The following PARD3B variants were observed in gnomAD, a reference collection of about 807,000 sequenced individuals.
PARD3B encodes partitioning defective 3 homolog B.
A neutral mutation model predicts 130.2 loss-of-function variants in PARD3B; 103 were observed. The ratio of observed to expected loss-of-function variants is 0.79; its 90% CI spans 0.67 to 0.93. The LOEUF (loss-of-function observed/expected upper bound fraction) is 0.93, where lower values mean the gene tolerates loss of function less well. PARD3B is among the 40% of genes least tolerant of loss of function. The probability of loss-of-function intolerance (pLI) is 0.00; values close to 1 mark genes in which losing one functional copy is unlikely to be tolerated. For missense variants in PARD3B, 1,609 were observed against 1,499.2 expected (o/e 1.07, Z -1.21); for synonymous variants, 583 against 553.2 (o/e 1.05, Z -0.76).
At chr2:204,770,452 TGTG>T (rs1424559148) in intron 2 of PARD3B, among the ~76,000 whole-genome samples, 1 of 150,390 alleles carries the variant, frequency 6.6e-6, no homozygotes, top group African/African-American at 2.5e-5. Flanking sequence ...ATAGGTGTGG[TGTG>T]GTGCTGAAAA....
rs537014942 is a variant in PARD3B at position 205,569,511 on chromosome 2, G to T, written c.3260+16108G>T. On this transcript the variant is annotated intron_variant, in intron 22 of 22. Coordinates refer to ENST00000406610, the MANE Select transcript of PARD3B (RefSeq NM_001302769.2). Reference sequence around the variant, plus strand: ...TTGAACATCCATGTCATTTTAAGTAGTAATGTGATTTTGTAATATAGTTTC... The same window carrying T: ...TTGAACATCCATGTCATTTTAAGTATTAATGTGATTTTGTAATATAGTTTC... Among the ~76,000 whole-genome samples, 4 of 152,228 alleles carry T rather than the reference G, an allele frequency of 2.6e-5. No individual in the cohort carries two copies. In the East Asian group the frequency reaches 7.7e-4, roughly 29 times the overall value.
Position 205,532,631 on chromosome 2 carries a change from ACT to A in PARD3B, c.3181-20689_3181-20688del, listed in dbSNP as rs531690565. 1.4e-3 allele frequency among the ~76,000 whole-genome samples: 210 copies of A among 152,238 alleles called. 1 individual carries two copies. Among genetic ancestry groups the A allele is most frequent in the Non-Finnish European group, 2.6e-3 (175 of 68,014 alleles). On this transcript the variant is annotated intron_variant, in intron 21 of 22. Coordinates refer to ENST00000406610, the MANE Select transcript of PARD3B (RefSeq NM_001302769.2). Reference sequence around the variant, plus strand: ...GAAACTATTTTGAAATTTGGTTGCCACTCTCATTCCACAAAGCTACATATTAA... The same window carrying A: ...GAAACTATTTTGAAATTTGGTTGCCACTCATTCCACAAAGCTACATATTAA...
chr2:204,983,833 A>G (rs1212200159), intron 3 of PARD3B, among the ~76,000 whole-genome samples: 1 of 152,200 alleles, frequency 6.6e-6, no homozygotes, highest in Non-Finnish European at 1.5e-5. Context: ...TTCACAGCTT[A>G]CTATTATTTG....
At chr2:204,992,518 T>C (rs1267836843) in intron 3 of PARD3B, among the ~76,000 whole-genome samples, 1 of 148,198 alleles carries the variant, frequency 6.7e-6, no homozygotes, top group Non-Finnish European at 1.5e-5. Context: ...GTGTGATGCC[T>C]CCAGCTTTGT....
At chr2:205,071,058 T>C (rs894429076) in intron 4 of PARD3B, among the ~76,000 whole-genome samples, 3 of 152,180 alleles carry the variant, frequency 2.0e-5, no homozygotes, top group South Asian at 2.1e-4. Flanking sequence ...TAAATTTGTT[T>C]CTTGGAAGTG....
At chr2:205,107,375 C>T (rs144326506) in intron 5 of PARD3B, among the ~76,000 whole-genome samples, 54 of 152,256 alleles carry the variant, frequency 3.5e-4, no homozygotes, top group East Asian at 1.7e-3. Flanking sequence ...AATTACATTA[C>T]TTCTTTAATA....
At chr2:204,655,146 G>T (rs563001320) in intron 1 of PARD3B, among the ~76,000 whole-genome samples, 1 of 152,156 alleles carries the variant, frequency 6.6e-6, no homozygotes, top group Non-Finnish European at 1.5e-5. Flanking sequence ...ATCTCTTCCT[G>T]TTGATTCTCC....
chr2:204,776,848 A>G (rs530401286), intron 2 of PARD3B, among the ~76,000 whole-genome samples: 1 of 151,922 alleles, frequency 6.6e-6, no homozygotes, highest in African/African-American at 2.4e-5. Context: ...GTTATGTTAA[A>G]TATGCCTGGG....
intron 18 of PARD3B, among the ~76,000 whole-genome samples, chr2:205,333,595 T>C (rs3845806): frequency 0.56 from 85,216 of 152,012 alleles, 27,654 homozygotes; most frequent in South Asian, 0.75. Flanking sequence ...ATTCCTCTTT[T>C]GTTTGTTTAT....
intron 19 of PARD3B, among the ~76,000 whole-genome samples, chr2:205,417,616 G>A (rs1048481465): frequency 7.9e-5 from 12 of 152,210 alleles, no homozygotes; most frequent in African/African-American, 2.9e-4. Flanking sequence ...GAGCAGACTT[G>A]TCATCTCCAT....
chr2:205,140,407 T>G lies in PARD3B; in HGVS notation c.1434+14670T>G, dbSNP rs1044956591. On this transcript the variant is annotated intron_variant, in intron 10 of 22. Transcript: ENST00000406610. ...AAAGTGTGGTCCCAGGGGAGACAGATGATTGAGCGTGGTATTGAGTAGACA... is the reference window on the plus strand; with the variant it reads ...AAAGTGTGGTCCCAGGGGAGACAGAGGATTGAGCGTGGTATTGAGTAGACA... Among the ~76,000 whole-genome samples, 15 of 141,996 alleles carry G rather than the reference T, an allele frequency of 1.1e-4. No individual in the cohort carries two copies. In the South Asian group the frequency reaches 3.3e-3, roughly 32 times the overall value. 93.2% of individuals were successfully genotyped at this position (141,996 alleles called of 152,430 possible). A position where few individuals can be genotyped will look rare whatever the true frequency, so the allele number is the denominator to read the frequency against.
At chr2:204,988,223 G>A (rs568913282) in intron 3 of PARD3B, among the ~76,000 whole-genome samples, 1 of 152,252 alleles carries the variant, frequency 6.6e-6, no homozygotes, top group African/African-American at 2.4e-5. Flanking sequence ...TGACATTTTG[G>A]AAATATTGAA....
At position 205,126,615 on chromosome 2, in the gene PARD3B, G is replaced by A. The variant is rs1265392525; in HGVS notation, c.1434+878G>A. ...AAAAAAATTAGCCGGGCGCGGTGGC[G>A]GGCACCTGTAGTCCCAGCTACTCGG... On this transcript the variant is annotated intron_variant, in intron 10 of 22. Coordinates refer to ENST00000406610, the MANE Select transcript of PARD3B (RefSeq NM_001302769.2). Among the ~76,000 whole-genome samples, 17 of 151,116 alleles carry A rather than the reference G, an allele frequency of 1.1e-4. No individual in the cohort carries two copies. In the East Asian group the frequency reaches 2.0e-3, roughly 17 times the overall value.
At chr2:204,726,650 T>A (rs1410597912) in intron 2 of PARD3B, among the ~76,000 whole-genome samples, 1 of 152,170 alleles carries the variant, frequency 6.6e-6, no homozygotes, top group African/African-American at 2.4e-5. Context: ...TTCCTTACCT[T>A]ATTGTATACA....
At chr2:204,806,055 T>G (rs2042757747) in intron 2 of PARD3B, among the ~76,000 whole-genome samples, 1 of 152,100 alleles carries the variant, frequency 6.6e-6, no homozygotes, top group South Asian at 2.1e-4. Flanking sequence ...AAAATGTACG[T>G]TCTGCCCAAA....
At chr2:204,914,526 C>T (rs2047369667) in intron 2 of PARD3B, among the ~76,000 whole-genome samples, 1 of 152,072 alleles carries the variant, frequency 6.6e-6, no homozygotes. Flanking sequence ...GGATGTGTGA[C>T]TGGAAGGGCA....
chr2:205,278,535 G>C (rs944512868), intron 16 of PARD3B, among the ~76,000 whole-genome samples: 7 of 152,126 alleles, frequency 4.6e-5, no homozygotes, highest in African/African-American at 1.7e-4. Context: ...GAAATGGGAG[G>C]CTTCTGTTTT....
chr2:205,232,543 TAAAGA>T (rs368242694), intron 15 of PARD3B, among the ~76,000 whole-genome samples: 6 of 152,186 alleles, frequency 3.9e-5, no homozygotes, highest in African/African-American at 1.4e-4. Context: ...AATATGCATG[TAAAGA>T]AATAAGACAT....
intron 18 of PARD3B, among the ~76,000 whole-genome samples, chr2:205,380,523 A>ATATATTATATATAATATATACAG (rs2045321287): frequency 4.8e-4 from 1 of 2,074 alleles, no homozygotes; most frequent in African/African-American, 3.1e-3. Context: ...TATATAAAGA[A>ATATATTATATATAATATATACAG]TATATATTAT....
Sources: gnomAD v4.1 joint callset for allele counts (sites outside exome capture counted in the v4.1 genomes callset) on GRCh38, gnomAD v4.1.1 for gene constraint, MANE v1.5 for transcripts, NCBI Gene and HGNC (gene_info 2026-07-23, HGNC 2026-07-21) for gene names.